CTNNA2: variants seen among roughly 807,000 people sequenced by gnomAD.
CTNNA2 encodes the protein catenin alpha-2.
A neutral mutation model predicts 101.0 loss-of-function variants in CTNNA2; 42 were observed. That is an observed-to-expected ratio of 0.42 (90% confidence interval 0.32 to 0.54). The LOEUF (loss-of-function observed/expected upper bound fraction) is 0.54. CTNNA2 is among the 20% of genes least tolerant of loss of function. The pLI is 0.14. For synonymous variants in CTNNA2, 450 were observed against 456.4 expected (o/e 0.99, Z 0.18); for missense variants, 871 against 1,223.1 (o/e 0.71, Z 4.29).
At chr2:80,442,028 A>G (rs1044579937) in intron 9 of CTNNA2, among the ~76,000 whole-genome samples, 1 of 152,226 alleles carries the variant, frequency 6.6e-6, no homozygotes, top group Non-Finnish European at 1.5e-5. Flanking sequence ...ACTGGCTCTA[A>G]GAGGACTAGT....
At chr2:79,943,475 G>A (rs1688296114) in intron 7 of CTNNA2, among the ~76,000 whole-genome samples, 1 of 152,072 alleles carries the variant, frequency 6.6e-6, no homozygotes, top group South Asian at 2.1e-4. Flanking sequence ...TTCCTTCTAT[G>A]TTTCAGCACT....
chr2:80,268,235 G>A (rs940300786), intron 7 of CTNNA2, among the ~76,000 whole-genome samples: 3 of 152,336 alleles, frequency 2.0e-5, no homozygotes, highest in Admixed American at 6.5e-5. Context: ...ATTATAACCC[G>A]AGAATAGAAA....
intron 2 of CTNNA2, among the ~76,000 whole-genome samples, chr2:79,244,121 C>G (rs1328707786): frequency 1.3e-5 from 2 of 152,114 alleles, no homozygotes; most frequent in Non-Finnish European, 2.9e-5. Flanking sequence ...CTACTCTGGG[C>G]CTCATCTTCT....
At chr2:80,054,910 G>A (rs1697120031) in intron 7 of CTNNA2, among the ~76,000 whole-genome samples, 1 of 152,070 alleles carries the variant, frequency 6.6e-6, no homozygotes. Flanking sequence ...ATCTTAATAG[G>A]GTGAAGAGAG....
chr2:79,207,157 A>G (rs954278373), intron 2 of CTNNA2, among the ~76,000 whole-genome samples: 2 of 152,234 alleles, frequency 1.3e-5, no homozygotes, highest in Non-Finnish European at 2.9e-5. Context: ...AGAAATTATT[A>G]TGACAAAATC....
chr2:80,438,174 C>T (rs544309541), intron 9 of CTNNA2, among the ~76,000 whole-genome samples: 1 of 152,286 alleles, frequency 6.6e-6, no homozygotes, highest in African/African-American at 2.4e-5. Flanking sequence ...ACGGCGCCCT[C>T]GCATGGTCTT....
intron 7 of CTNNA2, among the ~76,000 whole-genome samples, chr2:80,296,209 T>A (rs1675730221): frequency 6.6e-6 from 1 of 152,172 alleles, no homozygotes; most frequent in African/African-American, 2.4e-5. Context: ...CACTGATTTT[T>A]AAAATAGAGG....
intron 7 of CTNNA2, among the ~76,000 whole-genome samples, chr2:80,384,690 C>T (rs934479748): frequency 6.6e-6 from 1 of 151,560 alleles, no homozygotes; most frequent in Non-Finnish European, 1.5e-5. Context: ...TAGTAACTAA[C>T]TGGATTTAGG....
In CTNNA2 at chr2:79,782,782, A is replaced by G. The variant is rs577830807; in HGVS notation, c.298+38200A>G. On this transcript the variant is annotated intron_variant, in intron 3 of 18. Coordinates refer to ENST00000402739, the MANE Select transcript of CTNNA2 (RefSeq NM_001282597.3). ...GCTATTGAGCAGCACAAGCCCTACT[A>G]CCGGTCAGTTTGGGGCCTCGCAAGG... 4.6e-5 allele frequency among the ~76,000 whole-genome samples: 7 copies of G among 152,098 alleles called. No homozygotes were observed. The East Asian group carries it at 7.7e-4, about 17-fold the overall frequency.
At chr2:80,319,751 GA>G (rs1243576706) in intron 7 of CTNNA2, among the ~76,000 whole-genome samples, 3 of 152,110 alleles carry the variant, frequency 2.0e-5, no homozygotes, top group Non-Finnish European at 4.4e-5. Flanking sequence ...AAGTAAACTA[GA>G]TGGCATTTAC....
intron 3 of CTNNA2, among the ~76,000 whole-genome samples, chr2:79,820,604 A>C (rs1677924574): frequency 6.6e-6 from 1 of 152,350 alleles, no homozygotes; most frequent in East Asian, 1.9e-4. Context: ...TATGCACTCA[A>C]CAAATTATAG....
chr2:79,851,482 T>C (rs80083590), intron 3 of CTNNA2, among the ~76,000 whole-genome samples: 7,125 of 152,236 alleles, frequency 0.047, 305 homozygotes, highest in East Asian at 0.14. Flanking sequence ...GGCTAAGGCT[T>C]TGGGAACCTG....
intron 7 of CTNNA2, among the ~76,000 whole-genome samples, chr2:79,951,251 G>C (rs1434113): frequency 0.094 from 14,234 of 152,188 alleles, 894 homozygotes; most frequent in East Asian, 0.27. Flanking sequence ...TACTAAAAAA[G>C]TACAGATATC....
chr2:79,458,702 C>A (rs777086975), intron 4 of CTNNA2, among the ~76,000 whole-genome samples: 1 of 152,146 alleles, frequency 6.6e-6, no homozygotes, highest in African/African-American at 2.4e-5. Context: ...ACAGTGAAAA[C>A]TTCCTAGGGA....
chr2:79,901,298 A>C (rs757887442), intron 6 of CTNNA2, among the ~76,000 whole-genome samples: 7 of 151,060 alleles, frequency 4.6e-5, no homozygotes, highest in South Asian at 2.1e-4. Context: ...TGCTTGCTTG[A>C]TTCAAAATAG....
intron 7 of CTNNA2, among the ~76,000 whole-genome samples, chr2:80,019,189 G>A (rs1442464513): frequency 1.3e-5 from 2 of 152,090 alleles, no homozygotes; most frequent in African/African-American, 2.4e-5. Context: ...GTGGATTTTG[G>A]TATCTGAGTG....
chr2:80,488,489 A>C (rs1408356688), intron 9 of CTNNA2, among the ~76,000 whole-genome samples: 1 of 152,020 alleles, frequency 6.6e-6, no homozygotes, highest in Non-Finnish European at 1.5e-5. Context: ...GAGAAAAAAA[A>C]CCTTCTCTCC....
At chr2:80,253,689 A>G (rs1439361366) in intron 7 of CTNNA2, among the ~76,000 whole-genome samples, 1 of 152,044 alleles carries the variant, frequency 6.6e-6, no homozygotes, top group Non-Finnish European at 1.5e-5. Context: ...ATTCATTATC[A>G]TCTCTTTGAG....
At chr2:79,668,022 T>C (rs547710743) in intron 2 of CTNNA2, among the ~76,000 whole-genome samples, 1 of 150,140 alleles carries the variant, frequency 6.7e-6, no homozygotes, top group East Asian at 2.2e-4. Flanking sequence ...GGGTGGATCA[T>C]GAGGTCAGGA....
Sources: allele counts gnomAD v4.1 joint callset (sites outside exome capture counted in the v4.1 genomes callset), GRCh38; gene constraint gnomAD v4.1.1; transcripts MANE v1.5; gene names NCBI Gene and HGNC (gene_info 2026-07-23, HGNC 2026-07-21).